CTNS: variants seen among roughly 807,000 people sequenced by gnomAD.
CTNS encodes the protein cystinosin.
A neutral mutation model predicts 43.7 loss-of-function variants in CTNS; 27 were observed. The ratio of observed to expected loss-of-function variants is 0.62; its 90% CI spans 0.46 to 0.85. The LOEUF is 0.85. Among genes scored for constraint, CTNS ranks in the 40% least tolerant of loss-of-function variants. CTNS has a pLI of 0.00. For synonymous variants in CTNS, 187 were observed against 190.6 expected (o/e 0.98, Z 0.16); for missense variants, 457 against 475.4 (o/e 0.96, Z 0.36).
chr17:3,638,744 T>G (rs1010066695), intron 2 of CTNS, among the ~76,000 whole-genome samples: 11 of 152,148 alleles, frequency 7.2e-5, no homozygotes, highest in African/African-American at 9.7e-5. Flanking sequence ...AACTGAATCC[T>G]GAACTTGAGG....
intron 5 of CTNS, among the ~76,000 whole-genome samples, chr17:3,649,815 A>G (rs1009711295): frequency 1.3e-5 from 2 of 152,192 alleles, no homozygotes; most frequent in African/African-American, 4.8e-5. Context: ...AAGCATCCAC[A>G]GAGGAGGTGG....
intron 5 of CTNS, 27 bp downstream of exon 5, chr17:3,648,958 T>C (rs1597624311): frequency 6.5e-7 from 1 of 1,545,616 alleles, no homozygotes; most frequent in South Asian, 1.1e-5. Flanking sequence ...AACGGATGGG[T>C]AGGGAAATGC....
chr17:3,638,926 G>A (rs746047666), intron 2 of CTNS, among the ~76,000 whole-genome samples: 20 of 152,160 alleles, frequency 1.3e-4, no homozygotes, highest in Non-Finnish European at 2.8e-4. Flanking sequence ...GGTCATTCCC[G>A]GCCGGTGAGA....
chr17:3,650,408 G>A (rs2150909712), intron 5 of CTNS: 1 of 1,502,616 alleles, frequency 6.7e-7, no homozygotes, highest in East Asian at 2.5e-5. Flanking sequence ...CTTGAGCCCA[G>A]GAACTCAAGG....
chr17:3,656,821 G>GGCCACCCCAGCCAACACCC, intron 9 of CTNS, 26 bp downstream of exon 9: 1 of 1,612,256 alleles, frequency 6.2e-7, no homozygotes, highest in South Asian at 1.1e-5. Context: ...GCCCCCCACA[G>GGCCACCCCAGCCAACACCC]GCCACCCCAG....
rs2076159145 is a variant in CTNS at position 3,656,780 on chromosome 17, G to A, written c.666G>A (p.Gln222=). 1 of 1,613,238 alleles carries A rather than the reference G, an allele frequency of 6.2e-7. No individual in the cohort carries two copies. The highest frequency in any genetic ancestry group is 8.5e-7 in the Non-Finnish European group (1 of 1,179,950). ...TCCTCACGCTGATCATCATCGTGCA[G>A]TGCTGCCTGTATGAGGTGAGACCAG... ...AVVLTLIIIV[Q]CCLYERGGQR... The change falls in exon 9 of 12, where the codon CAG becomes CAA. Residue 222 remains glutamine (Q), a synonymous_variant. Coordinates refer to ENST00000046640, the MANE Select transcript of CTNS (RefSeq NM_004937.3).
intron 9 of CTNS, among the ~76,000 whole-genome samples, chr17:3,657,102 G>A (rs907323001): frequency 2.0e-5 from 3 of 152,118 alleles, no homozygotes; most frequent in African/African-American, 7.2e-5. Flanking sequence ...GGGCACAGAA[G>A]GGAGGAGGGA....
rs866093965 is a variant in CTNS at position 3,641,386 on chromosome 17, T to G, written c.61+1119T>G. ...TATATATATATATATATATATATATTTTTTTTTTTTTTTTTTTTTTTTTGA... is the reference window on the plus strand; with the variant it reads ...TATATATATATATATATATATATATGTTTTTTTTTTTTTTTTTTTTTTTGA... On this transcript the variant is annotated intron_variant, in intron 3 of 11. Coordinates refer to ENST00000046640, the MANE Select transcript of CTNS (RefSeq NM_004937.3). 9.6e-5 allele frequency among the ~76,000 whole-genome samples: 4 copies of G among 41,630 alleles called. No individual in the cohort carries two copies. In the South Asian group the frequency reaches 3.1e-3, roughly 33 times the overall value. The allele number at this position is 41,630 out of a possible 152,430, so 27.3% of individuals were successfully genotyped here.
intron 10 of CTNS, among the ~76,000 whole-genome samples, chr17:3,659,288 G>A (rs1282126672): frequency 2.6e-5 from 4 of 152,128 alleles, no homozygotes; most frequent in Non-Finnish European, 4.4e-5. Context: ...GCGCATCCCC[G>A]CAGACCCGCC....
At chr17:3,636,965 G>A (rs1453527147) in intron 1 of CTNS, 134 bp downstream of exon 1, 1 of 152,256 alleles carries the variant, frequency 6.6e-6, no homozygotes, top group African/African-American at 2.4e-5. Flanking sequence ...TGCTGGCCTC[G>A]CGACACGGGA....
chr17:3,652,103 C>T (rs958521159), intron 5 of CTNS, among the ~76,000 whole-genome samples: 1 of 152,168 alleles, frequency 6.6e-6, no homozygotes, highest in Non-Finnish European at 1.5e-5. Flanking sequence ...CCAACTCTCA[C>T]CACTCCCCTC....
At chr17:3,659,785 C>A (rs2076242317) in intron 10 of CTNS, 73 bp from the exon 11 acceptor site, 4 of 1,049,384 alleles carry the variant, frequency 3.8e-6, no homozygotes, top group Non-Finnish European at 6.0e-6. Context: ...TTTGGAGGGG[C>A]AGTCACGAGG....
In CTNS at chr17:3,661,418, G is replaced by GGC. The variant is rs1555565339; in HGVS notation, c.*1050_*1051insCG. 9.9e-6 allele frequency: 1 copy of GGC among 101,462 alleles called. No homozygotes were observed. The highest frequency in any genetic ancestry group is 2.3e-5 in the Non-Finnish European group (1 of 43,180). The allele number at this position is 101,462 out of a possible 1,614,324, so 6.3% of individuals were successfully genotyped here. Reference sequence around the variant, plus strand: ...CAAAGCTGTCCTTCCTATGGCAGGAGGGGTGGGGGTCCCAGGACGTGCCTC... The same window carrying GGC: ...CAAAGCTGTCCTTCCTATGGCAGGAGGCGGGTGGGGGTCCCAGGACGTGCCTC... On this transcript the variant is annotated 3_prime_UTR_variant, in exon 12 of 12. Coordinates refer to ENST00000046640, the MANE Select transcript of CTNS (RefSeq NM_004937.3).
rs773412371 is a variant in CTNS at position 3,660,652 on chromosome 17, T to G, written c.*283T>G. On this transcript the variant is annotated 3_prime_UTR_variant, in exon 12 of 12. Coordinates refer to ENST00000046640, the MANE Select transcript of CTNS (RefSeq NM_004937.3). ...GCGCGCACAGGCTCTGGCAGCCGTC[T>G]CAGGCAGGACTGGGCACCAAGCTTG... The G allele has an allele frequency of 6.2e-7, 1 of 1,613,598 alleles. No individual in the cohort carries two copies. Among genetic ancestry groups the G allele is most frequent in the Non-Finnish European group, 8.5e-7 (1 of 1,180,038 alleles).
chr17:3,636,686 A>G (rs1403657189), upstream of CTNS: 1 of 156,962 alleles, frequency 6.4e-6, no homozygotes, highest in African/African-American at 2.4e-5. Flanking sequence ...ATCCGGCCCC[A>G]CGAGTCAGGT....
At chr17:3,656,216 CA>C (rs1483346986) in intron 7 of CTNS, among the ~76,000 whole-genome samples, 3 of 75,652 alleles carry the variant, frequency 4.0e-5, no homozygotes, top group East Asian at 4.6e-4. Context: ...AGTCCTTACC[CA>C]CTGCCCTGCC....
chr17:3,656,062 C>T (rs908223222), intron 7 of CTNS: 9 of 315,558 alleles, frequency 2.9e-5, no homozygotes, highest in African/African-American at 1.8e-4. Flanking sequence ...GTCCTCACCC[C>T]TGGCCCTGCC....
In CTNS at chr17:3,662,653, G is replaced by A. The variant is rs1326278015; in HGVS notation, c.*2284G>A. Among the ~76,000 whole-genome samples the A allele has an allele frequency of 1.3e-5, 2 of 152,184 alleles. No individual in the cohort carries two copies. The highest frequency in any genetic ancestry group is 2.9e-5 in the Non-Finnish European group (2 of 68,004). ...CACAGTAACACCCAAGAAAGCACAC[G>A]CACCCCAGGGTCCCACCCCAGTGCT... On this transcript the variant is annotated 3_prime_UTR_variant, in exon 12 of 12. Coordinates refer to ENST00000046640, the MANE Select transcript of CTNS (RefSeq NM_004937.3).
At chr17:3,650,793 TTTA>T (rs2075961183) in intron 5 of CTNS, among the ~76,000 whole-genome samples, 2 of 152,156 alleles carry the variant, frequency 1.3e-5, no homozygotes, top group African/African-American at 4.8e-5. Context: ...TATGTATTCA[TTTA>T]TTTTTTATTT....
Sources: gnomAD v4.1 joint callset for allele counts (sites outside exome capture counted in the v4.1 genomes callset) on GRCh38, gnomAD v4.1.1 for gene constraint, MANE v1.5 for transcripts, NCBI Gene and HGNC (gene_info 2026-07-23, HGNC 2026-07-21) for gene names.